Variants in ARHGEF7 observed in about 807,000 individuals in gnomAD.
ARHGEF7 encodes the protein Rho guanine nucleotide exchange factor 7, also known as PAK-interacting exchange factor beta.
A neutral mutation model predicts 109.8 loss-of-function variants in ARHGEF7; 33 were observed. The ratio of observed to expected loss-of-function variants is 0.30; its 90% CI spans 0.23 to 0.40. The LOEUF (loss-of-function observed/expected upper bound fraction) is 0.40, where lower values mean the gene tolerates loss of function less well. Among genes scored for constraint, ARHGEF7 ranks in the 10% least tolerant of loss-of-function variants. The pLI, the probability that ARHGEF7 is intolerant of heterozygous loss-of-function variation, is 1.00. For synonymous variants in ARHGEF7, 458 were observed against 424.6 expected, an observed-to-expected ratio of 1.08 and a Z score of -0.97; for missense variants, 938 against 1,098.5, an observed-to-expected ratio of 0.85 and a Z score of 2.07.
At chr13:111,126,063 GA>G (rs1566594472) in intron 1 of ARHGEF7, among the ~76,000 whole-genome samples, 1 of 152,226 alleles carries the variant, frequency 6.6e-6, no homozygotes, top group Non-Finnish European at 1.5e-5. Flanking sequence ...TGGTGCTTAG[GA>G]AAGTGCCTTA....
intron 1 of ARHGEF7, among the ~76,000 whole-genome samples, chr13:111,130,316 G>GT (rs1177647771): frequency 6.6e-6 from 1 of 152,154 alleles, no homozygotes; most frequent in African/African-American, 2.4e-5. Flanking sequence ...AAAGTGCACA[G>GT]TTTACATATG....
At chr13:111,158,059 C>T (rs1363578939) in intron 2 of ARHGEF7, among the ~76,000 whole-genome samples, 6 of 152,156 alleles carry the variant, frequency 3.9e-5, no homozygotes, top group Non-Finnish European at 8.8e-5. Flanking sequence ...TTATTAAGCT[C>T]ACATTAATAA....
At chr13:111,302,300 G>T (rs1442783644) in intron 21 of ARHGEF7, among the ~76,000 whole-genome samples, 3 of 152,216 alleles carry the variant, frequency 2.0e-5, no homozygotes, top group Admixed American at 1.3e-4. Context: ...ATGTGAGTAC[G>T]AGCGGCTTTG....
intron 19 of ARHGEF7, among the ~76,000 whole-genome samples, chr13:111,298,708 G>A (rs920366270): frequency 6.6e-6 from 1 of 152,228 alleles, no homozygotes; most frequent in Non-Finnish European, 1.5e-5. Flanking sequence ...GTGTGTGTGG[G>A]TGGGTGGACT....
chr13:111,156,714 G>A, intron 2 of ARHGEF7, among the ~76,000 whole-genome samples: 1 of 152,218 alleles, frequency 6.6e-6, no homozygotes, highest in Non-Finnish European at 1.5e-5. Context: ...AGTCAGGAGG[G>A]AAGGGCCTTG....
At position 111,133,484 on chromosome 13, in the gene ARHGEF7, T is replaced by A. The variant is rs139802470; in HGVS notation, c.165+17793T>A. ...TGGTTTGGTTTTCCTCCTTTTATAG[T>A]CAGAAATGGCAGAGCTGCTCAACAC... On this transcript the variant is annotated intron_variant, in intron 1 of 21. Coordinates refer to ENST00000646102, the MANE Select transcript of ARHGEF7 (RefSeq NM_001354046.2). Among the ~76,000 whole-genome samples, 134 of 151,984 alleles carry A rather than the reference T, an allele frequency of 8.8e-4. 3 individuals carry two copies. In the East Asian group the frequency reaches 0.021, roughly 24 times the overall value.
In ARHGEF7 at chr13:111,303,913, T is replaced by C. The variant is rs1434029205; in HGVS notation, c.*800T>C. ...AGGACACAGACGGTTCTGTATAGGC[T>C]AGTTCAGTAACAACAAAATACACTG... On this transcript the variant is annotated 3_prime_UTR_variant, in exon 22 of 22. Coordinates refer to ENST00000646102, the MANE Select transcript of ARHGEF7 (RefSeq NM_001354046.2). 6.6e-6 allele frequency: 1 copy of C among 152,248 alleles called. No homozygotes were observed. 9.4% of individuals were successfully genotyped at this position (152,248 alleles called of 1,614,324 possible). A position where few individuals can be genotyped will look rare whatever the true frequency, so the allele number is the denominator to read the frequency against.
At chr13:111,153,184 G>A (rs577863335) in intron 1 of ARHGEF7, among the ~76,000 whole-genome samples, 98 of 152,356 alleles carry the variant, frequency 6.4e-4, no homozygotes, top group African/African-American at 2.2e-3. Flanking sequence ...GCCTAGGCTA[G>A]AAAGAAGGGA....
intron 2 of ARHGEF7, among the ~76,000 whole-genome samples, chr13:111,159,369 A>T (rs184554636): frequency 6.6e-6 from 1 of 152,216 alleles, no homozygotes; most frequent in East Asian, 1.9e-4. Flanking sequence ...TCTCTTCAAC[A>T]TACTGATTTT....
intron 18 of ARHGEF7, among the ~76,000 whole-genome samples, chr13:111,291,598 C>G (rs963080072): frequency 5.3e-5 from 8 of 152,234 alleles, no homozygotes; most frequent in Non-Finnish European, 1.0e-4. Flanking sequence ...AAAGAGCCAG[C>G]TGAAAAAGCC....
At chr13:111,167,808 G>T (rs945997043) in intron 2 of ARHGEF7, among the ~76,000 whole-genome samples, 1 of 152,210 alleles carries the variant, frequency 6.6e-6, no homozygotes, top group Non-Finnish European at 1.5e-5. Flanking sequence ...GAATGCTCTT[G>T]TGCAGTTTGC....
chr13:111,261,936 A>C (rs1221695167), intron 8 of ARHGEF7, among the ~76,000 whole-genome samples: 1 of 152,210 alleles, frequency 6.6e-6, no homozygotes, highest in Non-Finnish European at 1.5e-5. Context: ...GAAACACAGC[A>C]TACCAAAACC....
At chr13:111,139,426 A>G (rs1244763481) in intron 1 of ARHGEF7, among the ~76,000 whole-genome samples, 4 of 151,920 alleles carry the variant, frequency 2.6e-5, no homozygotes, top group East Asian at 1.9e-4. Flanking sequence ...CTCTGTGTCT[A>G]TGTCTCTGTC....
At position 111,277,593 on chromosome 13, in the gene ARHGEF7, A is replaced by T; in HGVS notation, c.1426A>T (p.Asn476Tyr). 6.3e-7 allele frequency: 1 copy of T among 1,596,254 alleles called. No homozygotes were observed. The highest frequency in any genetic ancestry group is 8.6e-7 in the Non-Finnish European group (1 of 1,164,922). Residue 476 changes from asparagine to tyrosine, a missense_variant, in exon 13 of 22, where the codon AAT becomes TAT. Physicochemically the swap from Asn to Tyr is moderately radical, Grantham distance 143. Coordinates refer to ENST00000646102, the MANE Select transcript of ARHGEF7 (RefSeq NM_001354046.2). Reference sequence around the variant, plus strand: ...ATTTCTTTTTTTGTATTAGGAAAAGAATGAAAGATATCTTCTACTCTTCCC... The same window carrying T: ...ATTTCTTTTTTTGTATTAGGAAAAGTATGAAAGATATCTTCTACTCTTCCC... ...LIQCAGSEEK[N>Y]ERYLLLFPNV...
intron 2 of ARHGEF7, among the ~76,000 whole-genome samples, chr13:111,200,920 A>G (rs77272141): frequency 0.11 from 15,993 of 152,186 alleles, 1,184 homozygotes; most frequent in Middle Eastern, 0.16. Flanking sequence ...TTGTTCAGTG[A>G]AGACATGGTA....
intron 8 of ARHGEF7, among the ~76,000 whole-genome samples, chr13:111,261,554 A>T (rs1437420914): frequency 6.6e-6 from 1 of 152,238 alleles, no homozygotes; most frequent in Non-Finnish European, 1.5e-5. Flanking sequence ...GATCTTTGAT[A>T]CAGAAAAGCA....
At chr13:111,120,482 C>CAG (rs997696717) in intron 1 of ARHGEF7, among the ~76,000 whole-genome samples, 1 of 151,682 alleles carries the variant, frequency 6.6e-6, no homozygotes, top group African/African-American at 2.4e-5. Flanking sequence ...TACACACACA[C>CAG]ACAGACACAT....
At chr13:111,284,740 T>C (rs1453571657) in intron 16 of ARHGEF7, among the ~76,000 whole-genome samples, 2 of 152,006 alleles carry the variant, frequency 1.3e-5, no homozygotes, top group Non-Finnish European at 2.9e-5. Flanking sequence ...AGCAGTAGCG[T>C]GGAGAGTGAT....
chr13:111,212,405 A>G (rs1261301265), intron 4 of ARHGEF7, among the ~76,000 whole-genome samples: 1 of 152,172 alleles, frequency 6.6e-6, no homozygotes, highest in Non-Finnish European at 1.5e-5. Context: ...TTTCTCATAG[A>G]TAAGGCATGA....
Sources: gnomAD v4.1 joint callset for allele counts (sites outside exome capture counted in the v4.1 genomes callset) on GRCh38, gnomAD v4.1.1 for gene constraint, MANE v1.5 for transcripts, NCBI Gene and HGNC (gene_info 2026-07-23, HGNC 2026-07-21) for gene names.